The following PARVA variants were observed in gnomAD, a reference collection of about 807,000 sequenced individuals.
PARVA encodes parvin alpha.
Under a neutral mutation model 52.6 loss-of-function variants are expected in PARVA, and 25 were observed. The ratio of observed to expected loss-of-function variants is 0.48; its 90% CI spans 0.35 to 0.66. PARVA has a LOEUF of 0.66. PARVA is among the 30% of genes least tolerant of loss of function. The probability of loss-of-function intolerance (pLI) is 0.01; values close to 1 mark genes in which losing one functional copy is unlikely to be tolerated. For missense variants in PARVA, 373 were observed against 450.9 expected (o/e 0.83, Z 1.56); for synonymous variants, 185 against 179.1 (o/e 1.03, Z -0.26).
chr11:12,484,503 TG>T lies in PARVA; in HGVS notation c.400+6556del, dbSNP rs1941130903. ...GTTCTGCAGGAGGGTGGTTTTGTTT[TG>T]GTGTGTGTGTGTGTGTGTGTGTGTG... On this transcript the variant is annotated intron_variant, in intron 4 of 12. Transcript: ENST00000334956. 3.1e-5 allele frequency among the ~76,000 whole-genome samples: 3 copies of T among 98,166 alleles called. No homozygotes were observed. The Admixed American group carries it at 3.7e-4, about 12-fold the overall frequency. The allele number at this position is 98,166 out of a possible 152,430, so 64.4% of individuals were successfully genotyped here.
intron 1 of PARVA, among the ~76,000 whole-genome samples, chr11:12,398,909 A>G (rs1201984193): frequency 6.6e-6 from 1 of 152,196 alleles, no homozygotes; most frequent in Non-Finnish European, 1.5e-5. Context: ...GTGGGCACTT[A>G]CATAGACCTT....
At position 12,382,788 on chromosome 11, in the gene PARVA, G is replaced by A. The variant is rs1213656633; in HGVS notation, c.136+5005G>A. Among the ~76,000 whole-genome samples the A allele has an allele frequency of 2.0e-5, 3 of 152,210 alleles. No individual in the cohort carries two copies. In the South Asian group the frequency reaches 6.2e-4, roughly 31 times the overall value. ...ACTTAAGACAAGTTACTTAACCCCTGTAAGCCTCTGTGTCTTCATCTATAA... is the reference window on the plus strand; with the variant it reads ...ACTTAAGACAAGTTACTTAACCCCTATAAGCCTCTGTGTCTTCATCTATAA... On this transcript the variant is annotated intron_variant, in intron 1 of 12. Coordinates refer to ENST00000334956, the MANE Select transcript of PARVA (RefSeq NM_018222.5).
intron 5 of PARVA, among the ~76,000 whole-genome samples, chr11:12,497,713 T>G (rs1309669924): frequency 2.0e-5 from 3 of 152,146 alleles, no homozygotes; most frequent in African/African-American, 7.2e-5. Flanking sequence ...CCCTGGGCCC[T>G]AGATGCTATC....
At chr11:12,377,813 G>T (rs760488172) in intron 1 of PARVA, 30 bp downstream of exon 1, 30 of 1,465,532 alleles carry the variant, frequency 2.0e-5, no homozygotes, top group East Asian at 3.1e-5. Context: ...CCGGGCGGGC[G>T]GTAGGAGCCG....
At chr11:12,508,125 A>AAAAAAAAC (rs1941458983) in intron 6 of PARVA, among the ~76,000 whole-genome samples, 2 of 59,490 alleles carry the variant, frequency 3.4e-5, no homozygotes, top group Non-Finnish European at 6.6e-5. Context: ...AAAAAAAACC[A>AAAAAAAAC]AAAAAAAAAA....
At chr11:12,497,972 A>G (rs1268887061) in intron 5 of PARVA, among the ~76,000 whole-genome samples, 1 of 152,160 alleles carries the variant, frequency 6.6e-6, no homozygotes, top group Non-Finnish European at 1.5e-5. Context: ...AGTCAAACAT[A>G]TTTAACTTAT....
chr11:12,531,876 C>T lies in PARVA; in HGVS notation c.*3951C>T, dbSNP rs1941775999. Among the ~76,000 whole-genome samples, 1 of 152,108 alleles carries T rather than the reference C, an allele frequency of 6.6e-6. No individual in the cohort carries two copies. The highest frequency in any genetic ancestry group is 2.1e-4 in the South Asian group (1 of 4,820). On this transcript the variant is annotated 3_prime_UTR_variant, in exon 13 of 13. Coordinates refer to ENST00000334956, the MANE Select transcript of PARVA (RefSeq NM_018222.5). ...CTGACTCACCACCTATGGGACCTGC[C>T]TCCACACATCAGCTTCCCAAATACT...
chr11:12,436,046 T>C (rs1211255265), intron 1 of PARVA, among the ~76,000 whole-genome samples: 1 of 152,082 alleles, frequency 6.6e-6, no homozygotes, highest in Non-Finnish European at 1.5e-5. Context: ...ATGGTCTCGA[T>C]CTCCTGACCT....
intron 1 of PARVA, among the ~76,000 whole-genome samples, chr11:12,472,092 A>T (rs1940942429): frequency 6.6e-6 from 1 of 152,216 alleles, no homozygotes; most frequent in African/African-American, 2.4e-5. Context: ...GAAAACAAAC[A>T]CAATCTGTAC....
At chr11:12,483,132 C>A (rs1009477322) in intron 4 of PARVA, among the ~76,000 whole-genome samples, 6 of 152,222 alleles carry the variant, frequency 3.9e-5, no homozygotes, top group African/African-American at 1.4e-4. Flanking sequence ...GAAAATCACC[C>A]TTCTCACAGG....
At chr11:12,395,105 A>AAAG (rs1555030350) in intron 1 of PARVA, among the ~76,000 whole-genome samples, 39 of 149,000 alleles carry the variant, frequency 2.6e-4, no homozygotes, top group African/African-American at 9.2e-4. Flanking sequence ...AAAAAAAAAA[A>AAAG]AAAGAAAGAA....
At chr11:12,400,826 G>C (rs777110760) in intron 1 of PARVA, among the ~76,000 whole-genome samples, 4 of 152,132 alleles carry the variant, frequency 2.6e-5, no homozygotes, top group Non-Finnish European at 4.4e-5. Context: ...GGGTTATTTT[G>C]GGAACTTCTA....
intron 3 of PARVA, among the ~76,000 whole-genome samples, chr11:12,474,782 G>A (rs1039248800): frequency 6.6e-6 from 1 of 150,720 alleles, no homozygotes; most frequent in African/African-American, 2.5e-5. Flanking sequence ...GCGCATGACT[G>A]TAATCCCAGA....
intron 1 of PARVA, among the ~76,000 whole-genome samples, chr11:12,464,737 G>A (rs2135027245): frequency 6.6e-6 from 1 of 152,244 alleles, no homozygotes; most frequent in Middle Eastern, 3.4e-3. Flanking sequence ...TGTCGCCTCT[G>A]AAACTCATGT....
At chr11:12,417,797 C>T (rs985648571) in intron 1 of PARVA, among the ~76,000 whole-genome samples, 12 of 152,202 alleles carry the variant, frequency 7.9e-5, no homozygotes, top group African/African-American at 2.4e-4. Flanking sequence ...CAGGGCCCCC[C>T]GGGTGCCAAG....
chr11:12,382,891 G>A (rs554583217), intron 1 of PARVA, among the ~76,000 whole-genome samples: 11 of 152,180 alleles, frequency 7.2e-5, no homozygotes, highest in Non-Finnish European at 1.5e-4. Context: ...GCATTGCATG[G>A]CACAAGTAAT....
In PARVA at chr11:12,407,944, G is replaced by A. The variant is rs558033375; in HGVS notation, c.136+30161G>A. Reference sequence around the variant, plus strand: ...AGGCTTCTCTGTTGTTCAGGAACCTGCGATGAGTCCCCATCCTTTTAAAGA... The same window carrying A: ...AGGCTTCTCTGTTGTTCAGGAACCTACGATGAGTCCCCATCCTTTTAAAGA... On this transcript the variant is annotated intron_variant, in intron 1 of 12. Transcript: ENST00000334956. Among the ~76,000 whole-genome samples, 110 of 152,338 alleles carry A rather than the reference G, an allele frequency of 7.2e-4. 1 individual carries two copies. The highest frequency in any genetic ancestry group is 2.5e-3 in the Admixed American group (39 of 15,300).
At chr11:12,384,993 G>A (rs1018188626) in intron 1 of PARVA, among the ~76,000 whole-genome samples, 2 of 152,142 alleles carry the variant, frequency 1.3e-5, no homozygotes, top group African/African-American at 4.8e-5. Flanking sequence ...CTCAGATGGT[G>A]TTAAGTGACT....
intron 12 of PARVA, among the ~76,000 whole-genome samples, chr11:12,522,402 A>C (rs1039214387): frequency 6.7e-6 from 1 of 149,370 alleles, no homozygotes; most frequent in African/African-American, 2.5e-5. Flanking sequence ...GAGGTAGACA[A>C]CAAATCAAGA....
Sources: gnomAD v4.1 joint callset for allele counts (sites outside exome capture counted in the v4.1 genomes callset) on GRCh38, gnomAD v4.1.1 for gene constraint, MANE v1.5 for transcripts, NCBI Gene and HGNC (gene_info 2026-07-23, HGNC 2026-07-21) for gene names.